The following LRP1B variants were observed in gnomAD, a reference collection of about 807,000 sequenced individuals.
The protein encoded by LRP1B is low-density lipoprotein receptor-related protein 1B.
A neutral mutation model predicts 556.6 loss-of-function variants in LRP1B; 217 were observed. That is an observed-to-expected ratio of 0.39 (90% confidence interval 0.35 to 0.44). The LOEUF (loss-of-function observed/expected upper bound fraction) is 0.44, where lower values mean the gene tolerates loss of function less well. LRP1B is among the 20% of genes least tolerant of loss of function. The pLI is 1.00. For synonymous variants in LRP1B, 2,047 were observed against 1,865.8 expected (o/e 1.10, Z -2.50); for missense variants, 5,053 against 5,620.8 (o/e 0.90, Z 3.23).
chr2:140,482,704 A>G (rs530219432), intron 59 of LRP1B, among the ~76,000 whole-genome samples: 16 of 152,256 alleles, frequency 1.1e-4, no homozygotes, highest in Admixed American at 5.2e-4. Context: ...TGTTATTAAA[A>G]TGAAGAAAGG....
At chr2:141,576,287 A>G (rs947167332) in intron 2 of LRP1B, among the ~76,000 whole-genome samples, 6 of 151,776 alleles carry the variant, frequency 4.0e-5, no homozygotes, top group Non-Finnish European at 8.8e-5. Context: ...AGTGACATAG[A>G]TGAAGCTGGT....
At position 141,019,937 on chromosome 2, in the gene LRP1B, A is replaced by G; in HGVS notation, c.1955T>C (p.Val652Ala). Residue 652 changes from valine (V) to alanine (A), a missense_variant, in exon 12 of 91, where the codon GTG becomes GCG. Physicochemically the swap from Val to Ala is moderately conservative, Grantham distance 64. Around this residue, in one of 5 missense-constraint regions of LRP1B, gnomAD observed 3,619 missense variants for 3,931.9 expected, o/e 0.92. Coordinates refer to ENST00000389484, the MANE Select transcript of LRP1B (RefSeq NM_018557.3). ...TATTGCATACCCATTAACTGGATCC[A>G]CCACAATTCCTCTGGGATGAGACAT... ...GEMSHPRGIV[V>A]DPVNGWMYWT... 6.3e-7 allele frequency: 1 copy of G among 1,598,690 alleles called. No individual in the cohort carries two copies. The highest frequency in any genetic ancestry group is 8.5e-7 in the Non-Finnish European group (1 of 1,171,982).
intron 2 of LRP1B, among the ~76,000 whole-genome samples, chr2:141,503,098 T>C (rs1475817436): frequency 6.7e-6 from 1 of 149,110 alleles, no homozygotes; most frequent in Non-Finnish European, 1.5e-5. Context: ...CACTTTTATC[T>C]CAAAGAAAAT....
chr2:140,558,069 T>C (rs1359193417), intron 43 of LRP1B, among the ~76,000 whole-genome samples: 2 of 152,076 alleles, frequency 1.3e-5, no homozygotes, highest in East Asian at 3.9e-4. Flanking sequence ...CACGATGAAA[T>C]ATCACCTCAC....
intron 1 of LRP1B, among the ~76,000 whole-genome samples, chr2:141,933,895 A>G (rs1700567492): frequency 6.6e-6 from 1 of 152,134 alleles, no homozygotes; most frequent in South Asian, 2.1e-4. Context: ...TATACATTAA[A>G]AAATAATCAG....
intron 32 of LRP1B, among the ~76,000 whole-genome samples, chr2:140,793,821 T>G (rs1573726696): frequency 1.3e-5 from 2 of 152,124 alleles, no homozygotes; most frequent in Admixed American, 6.6e-5. Context: ...AGAAGCGTAC[T>G]CTTGAATCAG....
intron 1 of LRP1B, among the ~76,000 whole-genome samples, chr2:141,877,173 A>C (rs1180254833): frequency 1.3e-5 from 2 of 152,024 alleles, no homozygotes; most frequent in African/African-American, 4.8e-5. Context: ...GTTGTATTTA[A>C]CATGTTATAG....
rs998894897 is a variant in LRP1B, at chr2:141,458,099, G to T, written c.343+22297C>A. Among the ~76,000 whole-genome samples, 5 of 152,126 alleles carry T rather than the reference G, an allele frequency of 3.3e-5. No individual in the cohort carries two copies. In the East Asian group the frequency reaches 9.6e-4, roughly 29 times the overall value. On this transcript the variant is annotated intron_variant, in intron 3 of 90. Coordinates refer to ENST00000389484, the MANE Select transcript of LRP1B (RefSeq NM_018557.3). ...CTTCCTTCAGGAAACTTCTGTGAAA[G>T]AAATGAAAGCCATGTCAATCCCTAA...
chr2:140,273,801 A>C (rs1001413629), intron 85 of LRP1B, among the ~76,000 whole-genome samples: 8 of 152,032 alleles, frequency 5.3e-5, no homozygotes, highest in African/African-American at 1.9e-4. Flanking sequence ...TGAATGGCAC[A>C]ACCCTTTAGC....
chr2:141,504,281 A>G lies in LRP1B; in HGVS notation c.206-23748T>C, dbSNP rs566053061. ...GATGTCTTAATAATTTTGGATTACT[A>G]GTGGCTAGTATAGGGATGAAAAATA... On this transcript the variant is annotated intron_variant, in intron 2 of 90. Transcript: ENST00000389484. 1.1e-3 allele frequency among the ~76,000 whole-genome samples: 163 copies of G among 152,274 alleles called. 2 individuals carry two copies. The highest frequency in any genetic ancestry group is 3.8e-3 in the African/African-American group (159 of 41,588).
intron 3 of LRP1B, among the ~76,000 whole-genome samples, chr2:141,359,128 G>A (rs1042079122): frequency 6.6e-6 from 1 of 151,416 alleles, no homozygotes; most frequent in Non-Finnish European, 1.5e-5. Flanking sequence ...TGTATTTTGA[G>A]GCAAAAATAT....
intron 1 of LRP1B, among the ~76,000 whole-genome samples, chr2:142,009,366 C>G (rs1361811864): frequency 6.6e-6 from 1 of 152,032 alleles, no homozygotes; most frequent in Non-Finnish European, 1.5e-5. Context: ...CTTTTTCACC[C>G]TCTCCTCATG....
At chr2:140,639,189 A>C (rs1280608885) in intron 41 of LRP1B, among the ~76,000 whole-genome samples, 1 of 152,230 alleles carries the variant, frequency 6.6e-6, no homozygotes, top group Admixed American at 6.5e-5. Flanking sequence ...ACGTTGTGAT[A>C]ATCATAATGT....
chr2:142,081,207 G>A (rs1162517740), intron 1 of LRP1B, among the ~76,000 whole-genome samples: 1 of 152,014 alleles, frequency 6.6e-6, no homozygotes, highest in Non-Finnish European at 1.5e-5. Flanking sequence ...CCTGAGAAAT[G>A]AGTATATAAG....
At chr2:141,161,186 T>C (rs917750528) in intron 7 of LRP1B, among the ~76,000 whole-genome samples, 1 of 152,124 alleles carries the variant, frequency 6.6e-6, no homozygotes, top group Non-Finnish European at 1.5e-5. Context: ...TTACTTTTAT[T>C]TTCCAATTTA....
chr2:140,319,099 G>C (rs1174754933), intron 82 of LRP1B, among the ~76,000 whole-genome samples: 2 of 152,056 alleles, frequency 1.3e-5, no homozygotes, highest in Admixed American at 6.6e-5. Context: ...TCATGTCCTT[G>C]CAGGGTATTC....
At chr2:141,714,395 T>A (rs906602785) in intron 2 of LRP1B, among the ~76,000 whole-genome samples, 1 of 151,972 alleles carries the variant, frequency 6.6e-6, no homozygotes, top group African/African-American at 2.4e-5. Flanking sequence ...GTGAATGATG[T>A]TTTTTGGTTT....
chr2:141,338,029 C>T (rs952443852), intron 3 of LRP1B, among the ~76,000 whole-genome samples: 2 of 152,122 alleles, frequency 1.3e-5, no homozygotes, highest in Admixed American at 6.6e-5. Flanking sequence ...AGGCAATCAA[C>T]CTGGTTCAGG....
intron 2 of LRP1B, among the ~76,000 whole-genome samples, chr2:141,801,501 T>A (rs1400878555): frequency 6.6e-6 from 1 of 152,144 alleles, no homozygotes; most frequent in Non-Finnish European, 1.5e-5. Flanking sequence ...AGCCGTTATT[T>A]GCACTTCCAT....
Sources: allele counts gnomAD v4.1 joint callset (sites outside exome capture counted in the v4.1 genomes callset), GRCh38; gene constraint gnomAD v4.1.1; regional missense constraint gnomAD v4.1.1; transcripts MANE v1.5; gene names NCBI Gene and HGNC (gene_info 2026-07-23, HGNC 2026-07-21).